The following PCDH15 variants were observed in gnomAD, a reference collection of about 807,000 sequenced individuals.
PCDH15 encodes protocadherin-15.
In PCDH15, 129 loss-of-function variants were observed where a neutral mutation model predicts 178.5. The observed-to-expected ratio is 0.72, with a 90% CI of 0.63 to 0.84. The LOEUF is 0.84. PCDH15 is among the 40% of genes least tolerant of loss of function. The pLI, the probability that PCDH15 is intolerant of heterozygous loss-of-function variation, is 0.00. For synonymous variants in PCDH15, 800 were observed against 732.0 expected, an observed-to-expected ratio of 1.09 and a Z score of -1.50; for missense variants, 2,230 against 2,099.9, an observed-to-expected ratio of 1.06 and a Z score of -1.21.
intron 2 of PCDH15, among the ~76,000 whole-genome samples, chr10:55,351,493 T>C (rs1345743502): frequency 1.3e-5 from 2 of 152,118 alleles, no homozygotes; most frequent in Non-Finnish European, 1.5e-5. Flanking sequence ...AAAACAATAA[T>C]AAATAAGCCT....
At chr10:55,563,870 T>C (rs1842249335) in intron 2 of PCDH15, among the ~76,000 whole-genome samples, 2 of 151,826 alleles carry the variant, frequency 1.3e-5, no homozygotes, top group African/African-American at 4.8e-5. Flanking sequence ...AATATATAAA[T>C]TATTCTCATA....
At chr10:54,179,638 T>C (rs532199061) in intron 13 of PCDH15, among the ~76,000 whole-genome samples, 1 of 152,310 alleles carries the variant, frequency 6.6e-6, no homozygotes, top group South Asian at 2.1e-4. Flanking sequence ...TATTGTTGTT[T>C]AAAACTGTAA....
intron 8 of PCDH15, among the ~76,000 whole-genome samples, chr10:54,278,290 T>C (rs1024016192): frequency 2.0e-5 from 3 of 151,672 alleles, no homozygotes; most frequent in Non-Finnish European, 4.4e-5. Context: ...GCCATTGGTG[T>C]CATCTCTAAG....
intron 2 of PCDH15, among the ~76,000 whole-genome samples, chr10:55,624,022 A>T (rs1486654793): frequency 6.6e-6 from 1 of 150,646 alleles, no homozygotes; most frequent in Non-Finnish European, 1.5e-5. Context: ...AATTCTTTAT[A>T]TTTTTTTACA....
At chr10:54,506,367 TA>T (rs1201616317) in intron 3 of PCDH15, among the ~76,000 whole-genome samples, 1 of 152,064 alleles carries the variant, frequency 6.6e-6, no homozygotes, top group African/African-American at 2.4e-5. Flanking sequence ...TACTAAGGAC[TA>T]AAAAATATGA....
chr10:54,859,382 C>T (rs1188008718), intron 3 of PCDH15, among the ~76,000 whole-genome samples: 1 of 151,988 alleles, frequency 6.6e-6, no homozygotes, highest in Admixed American at 6.6e-5. Context: ...GTATGCTTGT[C>T]CGTAGAAACA....
intron 1 of PCDH15, among the ~76,000 whole-genome samples, chr10:55,192,985 CTTTT>C (rs5785122): frequency 7.5e-6 from 1 of 132,460 alleles, no homozygotes. Context: ...TTCAAAATGG[CTTTT>C]TTTTTTTTTT....
chr10:55,160,882 G>C (rs1346541686), intron 2 of PCDH15, among the ~76,000 whole-genome samples: 2 of 152,004 alleles, frequency 1.3e-5, no homozygotes, highest in Non-Finnish European at 2.9e-5. Context: ...TTAAAGCCTT[G>C]CCTGCATTAT....
intron 2 of PCDH15, among the ~76,000 whole-genome samples, chr10:55,060,840 T>C (rs1177067239): frequency 1.3e-5 from 2 of 152,074 alleles, no homozygotes; most frequent in Non-Finnish European, 2.9e-5. Flanking sequence ...CCATTTCAAC[T>C]TAGGGCATAT....
intron 25 of PCDH15, among the ~76,000 whole-genome samples, chr10:53,906,299 G>A (rs936021653): frequency 4.0e-5 from 6 of 151,640 alleles, no homozygotes; most frequent in Non-Finnish European, 8.8e-5. Context: ...CAGTTGTTAT[G>A]TATCCCTCCT....
intron 2 of PCDH15, among the ~76,000 whole-genome samples, chr10:54,941,642 A>G (rs1838065538): frequency 6.6e-6 from 1 of 152,020 alleles, no homozygotes; most frequent in Non-Finnish European, 1.5e-5. Context: ...ATCATACTTT[A>G]TTACCTCTTT....
intron 2 of PCDH15, among the ~76,000 whole-genome samples, chr10:55,492,194 T>C (rs1041133305): frequency 6.6e-6 from 1 of 151,664 alleles, no homozygotes; most frequent in African/African-American, 2.4e-5. Context: ...TCTATAAGCT[T>C]TTAGTTCTGG....
intron 2 of PCDH15, among the ~76,000 whole-genome samples, chr10:55,155,690 C>T (rs971409054): frequency 2.6e-5 from 4 of 151,896 alleles, no homozygotes; most frequent in African/African-American, 7.3e-5. Context: ...ATTATTGGGG[C>T]TGTTTCCTTA....
intron 2 of PCDH15, among the ~76,000 whole-genome samples, chr10:55,137,099 T>C (rs1838215279): frequency 6.6e-6 from 1 of 152,204 alleles, no homozygotes; most frequent in Non-Finnish European, 1.5e-5. Context: ...TCTTGTTATA[T>C]AGTACTCTCA....
At chr10:55,601,229 G>A (rs1053775942) in intron 2 of PCDH15, among the ~76,000 whole-genome samples, 6 of 152,202 alleles carry the variant, frequency 3.9e-5, no homozygotes, top group African/African-American at 1.4e-4. Flanking sequence ...TGAATGGAAT[G>A]ATGTGGAAAC....
At chr10:54,782,783 CAA>C (rs1002418511) in intron 1 of PCDH15, among the ~76,000 whole-genome samples, 1 of 151,940 alleles carries the variant, frequency 6.6e-6, no homozygotes, top group African/African-American at 2.4e-5. Context: ...CTGGCCAGCC[CAA>C]TATCTTTCTC....
At chr10:53,920,629 C>T (rs912662409) in intron 25 of PCDH15, among the ~76,000 whole-genome samples, 12 of 152,072 alleles carry the variant, frequency 7.9e-5, no homozygotes, top group South Asian at 4.1e-4. Flanking sequence ...CATACGTACA[C>T]GAAACTCTTG....
chr10:54,989,903 G>A (rs1219335309), intron 2 of PCDH15, among the ~76,000 whole-genome samples: 11 of 152,114 alleles, frequency 7.2e-5, no homozygotes, highest in Admixed American at 6.5e-4. Flanking sequence ...AATCATAGGG[G>A]CAGGTCTTTC....
intron 1 of PCDH15, among the ~76,000 whole-genome samples, chr10:54,779,538 A>G (rs890266823): frequency 1.9e-4 from 8 of 42,558 alleles, no homozygotes; most frequent in Non-Finnish European, 3.1e-4. Flanking sequence ...ACACACATAT[A>G]TATAGCATTT....
Sources: allele counts gnomAD v4.1 joint callset (sites outside exome capture counted in the v4.1 genomes callset), GRCh38; gene constraint gnomAD v4.1.1; transcripts MANE v1.5; gene names NCBI Gene and HGNC (gene_info 2026-07-23, HGNC 2026-07-21).